Variants in ITGA3 observed in about 807,000 individuals in gnomAD.
ITGA3 encodes integrin alpha-3.
Under a neutral mutation model 131.1 loss-of-function variants are expected in ITGA3, and 70 were observed. That is an observed-to-expected ratio of 0.53 (90% CI 0.44 to 0.65). ITGA3 has a LOEUF of 0.65. Ranked by LOEUF, ITGA3 falls within the 30% of genes least tolerant of loss-of-function variation. The pLI is 0.00. For synonymous variants in ITGA3, 537 were observed against 571.6 expected, an observed-to-expected ratio of 0.94 and a Z score of 0.86; for missense variants, 1,098 against 1,388.6, an observed-to-expected ratio of 0.79 and a Z score of 3.33.
intron 20 of ITGA3, 42 bp downstream of exon 20, chr17:50,079,300 G>A (rs755005589): frequency 6.3e-7 from 1 of 1,598,164 alleles, no homozygotes; most frequent in South Asian, 1.1e-5. Flanking sequence ...ATGCTACAGG[G>A]CAGAAAGGCC....
At chr17:50,071,152 A>C (rs1049663768) in intron 5 of ITGA3, among the ~76,000 whole-genome samples, 159 bp from the exon 6 acceptor site, 1 of 152,244 alleles carries the variant, frequency 6.6e-6, no homozygotes, top group Admixed American at 6.5e-5. Flanking sequence ...GAACTGGGCC[A>C]TGGCTGCTGG....
rs1427568598 is a variant in ITGA3, at chr17:50,081,338, TAAA to T, written c.2850_2852del (p.Asn951del). The T allele has an allele frequency of 6.3e-7, 1 of 1,592,154 alleles. No individual in the cohort carries two copies. The highest frequency in any genetic ancestry group is 1.7e-5 in the Admixed American group (1 of 57,290). On this transcript the variant is annotated inframe_deletion, in exon 23 of 26. Coordinates refer to ENST00000320031, the MANE Select transcript of ITGA3 (RefSeq NM_002204.4). ...TACAGAGACTTTGACCGAGTCCGGGTAAATGGCTGGGCTACCCTATTCCTCCGA... is the reference window on the plus strand; with the variant it reads ...TACAGAGACTTTGACCGAGTCCGGGTTGGCTGGGCTACCCTATTCCTCCGA...
intron 22 of ITGA3, among the ~76,000 whole-genome samples, chr17:50,080,743 A>G (rs1302864152): frequency 6.6e-6 from 1 of 151,890 alleles, no homozygotes; most frequent in African/African-American, 2.4e-5. Context: ...TGGCTTTTCC[A>G]GCTGAAAATG....
rs1226138859 is a variant in ITGA3, at chr17:50,090,097, G to C, written c.*1019G>C. ...ACTTCTCACTCACCACTACCAGCCA[G>C]CCTCAGAAGGCCCCAGAGAGACCCT... On this transcript the variant is annotated 3_prime_UTR_variant, in exon 26 of 26. Transcript: ENST00000320031. 2 of 353,752 alleles carry C rather than the reference G, an allele frequency of 5.7e-6. No homozygotes were observed. Among genetic ancestry groups the C allele is most frequent in the Non-Finnish European group, 1.2e-5 (2 of 171,548 alleles). The allele number at this position is 353,752 out of a possible 1,614,324, so 21.9% of individuals were successfully genotyped here.
At position 50,072,027 on chromosome 17, in the gene ITGA3, G is replaced by A. The variant is rs1908653726; in HGVS notation, c.1001G>A (p.Arg334Lys). ...LLVGAPYYFE[R>K]KEEVGGAIYV... ...GTGGGCGCCCCCTACTACTTCGAGAGGAAAGAGGAAGTAGGGGGTGCCATC... is the reference window on the plus strand; with the variant it reads ...GTGGGCGCCCCCTACTACTTCGAGAAGAAAGAGGAAGTAGGGGGTGCCATC... The change falls in exon 7 of 26, where the codon AGG becomes AAG. Residue 334 changes from arginine to lysine, a missense_variant. By Grantham distance (26) the Arg-to-Lys change is conservative. Around this residue, in one of 3 missense-constraint regions of ITGA3, gnomAD observed 356 missense variants for 529.2 expected, o/e 0.67. Transcript: ENST00000320031. 6.2e-7 allele frequency: 1 copy of A among 1,614,010 alleles called. No individual in the cohort carries two copies. The highest frequency in any genetic ancestry group is 8.5e-7 in the Non-Finnish European group (1 of 1,179,968).
At chr17:50,084,017 A>T (rs1909287003) in intron 23 of ITGA3, among the ~76,000 whole-genome samples, 1 of 151,580 alleles carries the variant, frequency 6.6e-6, no homozygotes, top group African/African-American at 2.4e-5. Flanking sequence ...CGGGTGGATC[A>T]TTTGAGTTCA....
intron 24 of ITGA3, 103 bp downstream of exon 24, chr17:50,087,972 C>A (rs971605071): frequency 4.2e-6 from 6 of 1,415,228 alleles, no homozygotes; most frequent in Non-Finnish European, 5.7e-6. Flanking sequence ...TTCCATCTCA[C>A]CCCCACCCTT....
At chr17:50,062,039 CA>C (rs529147794) in intron 1 of ITGA3, among the ~76,000 whole-genome samples, 173 of 117,564 alleles carry the variant, frequency 1.5e-3, no homozygotes, top group African/African-American at 3.2e-3. Flanking sequence ...GACCCTGTCT[CA>C]AAAAAAAAAA....
chr17:50,066,638 G>A (rs1440266094), intron 3 of ITGA3, among the ~76,000 whole-genome samples: 1 of 152,086 alleles, frequency 6.6e-6, no homozygotes, highest in Non-Finnish European at 1.5e-5. Flanking sequence ...AGCCCGGCAT[G>A]GTGGTATGCG....
chr17:50,056,518 G>C lies in ITGA3; in HGVS notation c.79G>C (p.Gly27Arg), dbSNP rs771778302. The C allele has an allele frequency of 6.4e-7, 1 of 1,551,160 alleles. No homozygotes were observed. The highest frequency in any genetic ancestry group is 8.7e-7 in the Non-Finnish European group (1 of 1,147,794). ...GCTCGCCTTGATGGTGGCGGCCGGC[G>C]GCTGCGTCGTCTCCGCCTTCAACCT... ...CALALMVAAGGCVVSAFNLDT... is the reference protein window; with the variant it reads ...CALALMVAAGRCVVSAFNLDT... Residue 27 changes from glycine to arginine, a missense_variant, in exon 1 of 26, where the codon GGC becomes CGC. Gly to Arg is a moderately radical substitution (Grantham distance 125). Coordinates refer to ENST00000320031, the MANE Select transcript of ITGA3 (RefSeq NM_002204.4). The surrounding 1 kb of genome is among the most constrained non-coding windows in gnomAD (Gnocchi z 5.6).
chr17:50,064,304 G>T lies in ITGA3; in HGVS notation c.334+100G>T, dbSNP rs565718719. Reference sequence around the variant, plus strand: ...AGGAGATAGAAGGCTTGTTCACACGGCTTCTAGTCGCTTCTTGTCCAGCTG... The same window carrying T: ...AGGAGATAGAAGGCTTGTTCACACGTCTTCTAGTCGCTTCTTGTCCAGCTG... On this transcript the variant is annotated intron_variant, in intron 2 of 25. Coordinates refer to ENST00000320031, the MANE Select transcript of ITGA3 (RefSeq NM_002204.4). The surrounding 1 kb of genome is among the most constrained non-coding windows in gnomAD (Gnocchi z 4.4). The T allele has an allele frequency of 7.1e-7, 1 of 1,415,998 alleles. No homozygotes were observed. The highest frequency in any genetic ancestry group is 9.6e-7 in the Non-Finnish European group (1 of 1,041,848). 87.7% of individuals were successfully genotyped at this position (1,415,998 alleles called of 1,614,324 possible). A position where few individuals can be genotyped will look rare whatever the true frequency, so the allele number is the denominator to read the frequency against.
chr17:50,074,560 CT>C, intron 10 of ITGA3, 26 bp downstream of exon 10: 1 of 1,533,198 alleles, frequency 6.5e-7, no homozygotes, highest in Non-Finnish European at 9.0e-7. Context: ...CCACCTACTC[CT>C]CATTTATTTA....
chr17:50,076,303 C>G, intron 12 of ITGA3, 23 bp from the exon 13 acceptor site: 1 of 1,609,514 alleles, frequency 6.2e-7, no homozygotes, highest in East Asian at 2.2e-5. Flanking sequence ...CAGGGCCGGG[C>G]TCAGCTCACC....
chr17:50,075,381 C>T, intron 10 of ITGA3, 78 bp from the exon 11 acceptor site: 8 of 1,468,424 alleles, frequency 5.4e-6, no homozygotes, highest in South Asian at 1.1e-5. Flanking sequence ...TTTCCTTTTG[C>T]CCAGTACAGA....
Position 50,073,895 on chromosome 17 carries a change from G to A in ITGA3, c.1157-21G>A, listed in dbSNP as rs370182931. The stretch of plus-strand genomic sequence containing the variant: ...GGGCCCAGAGTACCTGGGTGACCCT[G>A]TCTTGCCTTTTCTTCTGCAGATATT... On this transcript the variant is annotated intron_variant, in intron 7 of 25. Transcript: ENST00000320031. 4.4e-6 allele frequency: 7 copies of A among 1,603,660 alleles called. No homozygotes were observed. The Admixed American group carries it at 1.0e-4, about 23-fold the overall frequency.
At position 50,078,001 on chromosome 17, in the gene ITGA3, C is replaced by T. The variant is rs775371968; in HGVS notation, c.2140-45C>T. The T allele has an allele frequency of 2.6e-6, 4 of 1,525,266 alleles. 1 individual carries two copies. The highest frequency in any genetic ancestry group is 3.8e-4 in the Middle Eastern group (2 of 5,292). The allele number at this position is 1,525,266 out of a possible 1,614,324, so 94.5% of individuals were successfully genotyped here. On this transcript the variant is annotated intron_variant, in intron 16 of 25. Coordinates refer to ENST00000320031, the MANE Select transcript of ITGA3 (RefSeq NM_002204.4). Reference sequence around the variant, plus strand: ...CTCCTTCCCCATGACATCACCCCCGCCAGGCCCCATATGCCACTCTCTGCC... The same window carrying T: ...CTCCTTCCCCATGACATCACCCCCGTCAGGCCCCATATGCCACTCTCTGCC...
chr17:50,086,855 C>T (rs1909470088), intron 23 of ITGA3: 1 of 151,870 alleles, frequency 6.6e-6, no homozygotes, highest in African/African-American at 2.4e-5. Context: ...GAGTTCGAGA[C>T]CAGCCTGACC....
rs77482840 is a variant in ITGA3 at position 50,067,925 on chromosome 17, T to A, written c.415-131T>A. 2.1e-3 allele frequency: 2,497 copies of A among 1,215,064 alleles called. 28 individuals are homozygous for A. The East Asian group carries it at 0.039, about 19-fold the overall frequency. 75.3% of individuals were successfully genotyped at this position (1,215,064 alleles called of 1,614,324 possible). A position where few individuals can be genotyped will look rare whatever the true frequency, so the allele number is the denominator to read the frequency against. On this transcript the variant is annotated intron_variant, in intron 3 of 25. Coordinates refer to ENST00000320031, the MANE Select transcript of ITGA3 (RefSeq NM_002204.4). ...AAGGAGATGCAGGTTTAAGTATCAC[T>A]GGGAGAAGGAGAAGCCAGGAGATCT...
Position 50,056,494 on chromosome 17 carries a change from C to A in ITGA3, c.55C>A (p.Leu19Ile). ...CGCCCCACGCCTGATGCTCTGTGCG[C>A]TCGCCTTGATGGTGGCGGCCGGCGG... ...PRAPRLMLCALALMVAAGGCV... is the reference protein window; with the variant it reads ...PRAPRLMLCAIALMVAAGGCV... Residue 19 changes from leucine (L) to isoleucine (I), a missense_variant, in exon 1 of 26, where the codon CTC becomes ATC. Physicochemically the swap from Leu to Ile is conservative, Grantham distance 5. Transcript: ENST00000320031. This position sits in a 1 kb window ranked among gnomAD's most constrained non-coding sequence, Gnocchi z 5.6. 6.5e-7 allele frequency: 1 copy of A among 1,549,796 alleles called. No individual in the cohort carries two copies. Among genetic ancestry groups the A allele is most frequent in the Middle Eastern group, 1.8e-4 (1 of 5,678 alleles).
Sources: gnomAD v4.1 joint callset for allele counts (sites outside exome capture counted in the v4.1 genomes callset) on GRCh38, gnomAD v4.1.1 for gene constraint, gnomAD v4.1.1 regional missense constraint, Gnocchi (gnomAD v3.1) non-coding constraint, MANE v1.5 for transcripts, NCBI Gene and HGNC (gene_info 2026-07-23, HGNC 2026-07-21) for gene names.